The following MLLT10 variants were observed in gnomAD, a reference collection of about 807,000 sequenced individuals.
The protein encoded by MLLT10 is protein AF-10.
Under a neutral mutation model 129.1 loss-of-function variants are expected in MLLT10, and 30 were observed. That is an observed-to-expected ratio of 0.23 (90% CI 0.17 to 0.32). The LOEUF (loss-of-function observed/expected upper bound fraction) is 0.32. Among genes scored for constraint, MLLT10 ranks in the 10% least tolerant of loss-of-function variants. The pLI is 1.00. For synonymous variants in MLLT10, 490 were observed against 446.4 expected (o/e 1.10, Z -1.23); for missense variants, 1,119 against 1,268.3 (o/e 0.88, Z 1.79).
At chr10:21,738,579 C>T in intron 21 of MLLT10, 5 of 1,248,650 alleles carry the variant, frequency 4.0e-6, no homozygotes, top group Non-Finnish European at 5.2e-6. Context: ...TTTTTGGAAG[C>T]CTCCGCACAG....
At chr10:21,737,412 C>CGTGT (rs1015072101) in intron 21 of MLLT10, among the ~76,000 whole-genome samples, 1 of 151,938 alleles carries the variant, frequency 6.6e-6, no homozygotes, top group East Asian at 1.9e-4. Flanking sequence ...AATGTGACAG[C>CGTGT]GTGTGTGTAT....
chr10:21,534,418 AGGAGGAGGCGGAGGAGGCGGTGGAGGG>A lies in MLLT10; in HGVS notation c.-101_-75del. The A allele has an allele frequency of 3.0e-6, 1 of 338,896 alleles. No individual in the cohort carries two copies. The highest frequency in any genetic ancestry group is 5.6e-6 in the Non-Finnish European group (1 of 179,468). 21.0% of individuals were successfully genotyped at this position (338,896 alleles called of 1,614,324 possible). On this transcript the variant is annotated 5_prime_UTR_variant, in exon 1 of 23. Transcript: ENST00000307729. ...GTGGGGAGGGAAGACGCTGAGGAGG[AGGAGGAGGCGGAGGAGGCGGTGGAGGG>A]GAGGTGGGGGGAATCAGCAAGGACA...
chr10:21,727,406 C>T (rs1167222044), intron 15 of MLLT10, among the ~76,000 whole-genome samples: 2 of 151,946 alleles, frequency 1.3e-5, no homozygotes, highest in Non-Finnish European at 2.9e-5. Flanking sequence ...TAATTTTAGT[C>T]TTGGTGTGCA....
chr10:21,720,649 C>T (rs933890185), intron 14 of MLLT10, among the ~76,000 whole-genome samples: 4 of 152,142 alleles, frequency 2.6e-5, no homozygotes, highest in African/African-American at 9.7e-5. Flanking sequence ...TAGTTTAAAA[C>T]ATTACTGCAT....
chr10:21,610,852 A>T (rs1478036664), intron 5 of MLLT10, among the ~76,000 whole-genome samples: 4 of 151,832 alleles, frequency 2.6e-5, no homozygotes, highest in Non-Finnish European at 5.9e-5. Flanking sequence ...CATTGTAACT[A>T]GTACTTAGGA....
intron 9 of MLLT10, among the ~76,000 whole-genome samples, chr10:21,660,216 C>A (rs193290944): frequency 6.6e-6 from 1 of 151,848 alleles, no homozygotes; most frequent in Non-Finnish European, 1.5e-5. Context: ...ATTTGCCCCC[C>A]CTTAACCCAC....
intron 3 of MLLT10, among the ~76,000 whole-genome samples, chr10:21,540,512 C>T (rs1181246133): frequency 1.3e-5 from 2 of 152,074 alleles, no homozygotes; most frequent in Non-Finnish European, 2.9e-5. Flanking sequence ...ACCATGACTC[C>T]AGCCTGGGTG....
chr10:21,741,917 C>A (rs754348869), intron 22 of MLLT10, 22 bp from the exon 23 acceptor site: 50 of 1,607,038 alleles, frequency 3.1e-5, no homozygotes, highest in Non-Finnish European at 4.2e-5. Flanking sequence ...GCTAACGCAT[C>A]TGCTCTTTTG....
chr10:21,563,791 GTATTATTATTATTATTAT>G (rs34367086), intron 3 of MLLT10, among the ~76,000 whole-genome samples: 8 of 145,650 alleles, frequency 5.5e-5, no homozygotes, highest in African/African-American at 2.1e-4. Flanking sequence ...CTCACTGTGT[GTATTATTATTATTATTAT>G]TATTATTATT....
At chr10:21,557,101 T>G in intron 3 of MLLT10, 2 of 1,400,546 alleles carry the variant, frequency 1.4e-6, no homozygotes, top group Non-Finnish European at 1.8e-6. Flanking sequence ...AATTCTGCTT[T>G]CCATTTACAT....
At chr10:21,553,543 T>C (rs941815047) in intron 3 of MLLT10, among the ~76,000 whole-genome samples, 1 of 151,886 alleles carries the variant, frequency 6.6e-6, no homozygotes, top group African/African-American at 2.4e-5. Context: ...GCCAGGCTGG[T>C]CTCAAACTCC....
At chr10:21,534,829 G>C in intron 2 of MLLT10, 25 bp downstream of exon 2, 1 of 1,561,542 alleles carries the variant, frequency 6.4e-7, no homozygotes, top group Non-Finnish European at 8.7e-7. Flanking sequence ...GCCCGCCGGG[G>C]CGCGCCGGCC....
At chr10:21,551,898 G>A (rs752301785) in intron 3 of MLLT10, 17 of 336,240 alleles carry the variant, frequency 5.1e-5, no homozygotes, top group Non-Finnish European at 5.2e-5. Context: ...GGGTTCAAGC[G>A]ATTCTCCTGC....
intron 8 of MLLT10, among the ~76,000 whole-genome samples, chr10:21,623,735 A>G (rs2046140368): frequency 6.6e-6 from 1 of 152,230 alleles, no homozygotes; most frequent in South Asian, 2.1e-4. Flanking sequence ...TATACTTGTT[A>G]GAAAGTTTTA....
chr10:21,720,381 T>C (rs2131542655), intron 14 of MLLT10, among the ~76,000 whole-genome samples: 1 of 152,330 alleles, frequency 6.6e-6, no homozygotes, highest in Admixed American at 6.5e-5. Flanking sequence ...TATTGAAGCC[T>C]TACTGGCGGT....
chr10:21,694,736 C>T (rs1310625734), intron 13 of MLLT10, among the ~76,000 whole-genome samples: 3 of 152,186 alleles, frequency 2.0e-5, no homozygotes, highest in Non-Finnish European at 4.4e-5. Flanking sequence ...AACAAATTAT[C>T]AGAAAGTTAG....
chr10:21,538,780 T>A, intron 2 of MLLT10, 53 bp from the exon 3 acceptor site: 1 of 1,382,712 alleles, frequency 7.2e-7, no homozygotes, highest in Non-Finnish European at 1.0e-6. Flanking sequence ...GGTATTTGAT[T>A]TTTCCATAGT....
At chr10:21,541,677 C>T (rs772845179) in intron 3 of MLLT10, among the ~76,000 whole-genome samples, 2 of 152,244 alleles carry the variant, frequency 1.3e-5, no homozygotes, top group Admixed American at 6.5e-5. Context: ...TGAGCTACCA[C>T]GCCCGGCCTG....
At chr10:21,730,716 G>T (rs1047903040) in intron 16 of MLLT10, among the ~76,000 whole-genome samples, 184 bp from the exon 17 acceptor site, 12 of 152,150 alleles carry the variant, frequency 7.9e-5, no homozygotes, top group African/African-American at 2.9e-4. Flanking sequence ...TTGGGAGGAA[G>T]AATGATAATT....
Sources: gnomAD v4.1 joint callset for allele counts (sites outside exome capture counted in the v4.1 genomes callset) on GRCh38, gnomAD v4.1.1 for gene constraint, MANE v1.5 for transcripts, NCBI Gene and HGNC (gene_info 2026-07-23, HGNC 2026-07-21) for gene names.